Variants in P2RX5 observed in about 807,000 individuals in gnomAD.
P2RX5 encodes the protein purinergic receptor P2X 5.
P2RX5 carries 46 observed loss-of-function variants against 54.1 expected under a neutral mutation model. That is an observed-to-expected ratio of 0.85 (90% CI 0.67 to 1.09). The LOEUF (loss-of-function observed/expected upper bound fraction) is 1.09, where lower values mean the gene tolerates loss of function less well. P2RX5 is among the 50% of genes least tolerant of loss of function. The pLI, the probability that P2RX5 is intolerant of heterozygous loss-of-function variation, is 0.00. For synonymous variants in P2RX5, 226 were observed against 226.4 expected, an observed-to-expected ratio of 1.00 and a Z score of 0.02; for missense variants, 566 against 549.8, an observed-to-expected ratio of 1.03 and a Z score of -0.29.
At chr17:3,688,202 C>T (rs543721283) in intron 8 of P2RX5, 97 bp from the exon 9 acceptor site, 6 of 735,212 alleles carry the variant, frequency 8.2e-6, no homozygotes, top group Non-Finnish European at 1.5e-5. Context: ...GAAGGACTCC[C>T]GGAACCCTGA....
intron 10 of P2RX5, among the ~76,000 whole-genome samples, chr17:3,680,497 G>A (rs1288367907): frequency 1.5e-4 from 5 of 34,040 alleles, no homozygotes; most frequent in Middle Eastern, 0.033. Context: ...TCCACCCAGT[G>A]TCCTCCACCC....
chr17:3,678,204 T>A, intron 11 of P2RX5: 1 of 579,124 alleles, frequency 1.7e-6, no homozygotes. Flanking sequence ...TGGGCCAGCC[T>A]CACCAGAGGC....
intron 11 of P2RX5, among the ~76,000 whole-genome samples, chr17:3,679,329 G>A (rs909193432): frequency 4.6e-5 from 7 of 152,144 alleles, no homozygotes; most frequent in African/African-American, 1.7e-4. Context: ...GTGGAGCAGC[G>A]CGCTGTTATC....
chr17:3,713,947 T>TTGA, the P2RX5 span, among the ~76,000 whole-genome samples: 1 of 104,468 alleles, frequency 9.6e-6, no homozygotes, highest in Non-Finnish European at 2.0e-5. Flanking sequence ...AATTTTTTTT[T>TTGA]GAGACAGTCT....
the P2RX5 span, among the ~76,000 whole-genome samples, chr17:3,702,694 C>T: frequency 9.2e-5 from 14 of 152,296 alleles, no homozygotes; most frequent in African/African-American, 3.4e-4. Flanking sequence ...AAACTCCAGA[C>T]ACACCATCTT....
At position 3,684,938 on chromosome 17, in the gene P2RX5, C is replaced by T. The variant is rs547885930; in HGVS notation, c.982-2960G>A. On this transcript the variant is annotated intron_variant, in intron 9 of 11. Transcript: ENST00000225328. ...TGGGCTCACCGCAACCTCCTCCTCC[C>T]GGGTTCAAGCGATTCTCCTGCCTCA... Among the ~76,000 whole-genome samples, 42 of 146,096 alleles carry T rather than the reference C, an allele frequency of 2.9e-4. 1 individual carries two copies. The South Asian group carries it at 6.3e-3, about 22-fold the overall frequency.
At chr17:3,703,806 A>G in the P2RX5 span, among the ~76,000 whole-genome samples, 1 of 151,910 alleles carries the variant, frequency 6.6e-6, no homozygotes, top group African/African-American at 2.4e-5. Flanking sequence ...AATAAACAAC[A>G]TTTAAAAACC....
chr17:3,681,831 G>T, intron 10 of P2RX5, 65 bp downstream of exon 10: 7 of 1,090,056 alleles, frequency 6.4e-6, no homozygotes, highest in Non-Finnish European at 1.0e-5. Context: ...CAGGGCAAAG[G>T]CTCGAAGCCA....
chr17:3,704,433 G>A, the P2RX5 span, among the ~76,000 whole-genome samples: 1 of 152,300 alleles, frequency 6.6e-6, no homozygotes, highest in South Asian at 2.1e-4. Flanking sequence ...CTTTTGCTGA[G>A]GTCCTTCCAT....
At chr17:3,720,244 G>C in the P2RX5 span, 1 of 770,248 alleles carries the variant, frequency 1.3e-6, no homozygotes, top group Non-Finnish European at 2.4e-6. Flanking sequence ...AATGTCTGTG[G>C]AGGTGCTCAA....
chr17:3,679,265 A>T (rs1041723719), intron 11 of P2RX5, among the ~76,000 whole-genome samples: 5 of 152,206 alleles, frequency 3.3e-5, no homozygotes, highest in African/African-American at 1.2e-4. Flanking sequence ...AGTTGCTTAC[A>T]TGAGTTAACA....
the P2RX5 span, among the ~76,000 whole-genome samples, chr17:3,722,836 A>C: frequency 6.6e-6 from 1 of 152,214 alleles, no homozygotes; most frequent in Non-Finnish European, 1.5e-5. Flanking sequence ...GGCACAATCT[A>C]ATGTCTGCTC....
At chr17:3,700,045 G>T (rs2050808142), upstream of P2RX5, among the ~76,000 whole-genome samples, 1 of 152,172 alleles carries the variant, frequency 6.6e-6, no homozygotes, top group African/African-American at 2.4e-5. Context: ...ATATGGCATT[G>T]TGATGTGGAA....
chr17:3,705,314 C>A, the P2RX5 span, among the ~76,000 whole-genome samples: 1 of 152,162 alleles, frequency 6.6e-6, no homozygotes, highest in African/African-American at 2.4e-5. Context: ...CGATTCGGAT[C>A]CAATGCACAG....
Position 3,690,234 on chromosome 17 carries a change from C to A in P2RX5, c.534-84G>T, listed in dbSNP as rs2050572026. 3.0e-6 allele frequency: 4 copies of A among 1,340,580 alleles called. 1 individual carries two copies. The South Asian group carries it at 3.5e-5, about 12-fold the overall frequency. 83.0% of individuals were successfully genotyped at this position (1,340,580 alleles called of 1,614,324 possible). A position where few individuals can be genotyped will look rare whatever the true frequency, so the allele number is the denominator to read the frequency against. On this transcript the variant is annotated intron_variant, in intron 5 of 11. Coordinates refer to ENST00000225328, the MANE Select transcript of P2RX5 (RefSeq NM_002561.4). ...GGCCTGGGCCAGTGTGAGGCCTGTTCCTTGGGTCCCCTGGAGCCTCTGCCC... is the reference window on the plus strand; with the variant it reads ...GGCCTGGGCCAGTGTGAGGCCTGTTACTTGGGTCCCCTGGAGCCTCTGCCC...
At chr17:3,680,522 T>A (rs80331344) in intron 10 of P2RX5, among the ~76,000 whole-genome samples, 11 of 111,222 alleles carry the variant, frequency 9.9e-5, no homozygotes, top group East Asian at 6.6e-4. Context: ...TCCTCCACCC[T>A]GCGTCCTCCA....
chr17:3,711,024 G>T, the P2RX5 span, among the ~76,000 whole-genome samples: 3 of 152,192 alleles, frequency 2.0e-5, no homozygotes, highest in Non-Finnish European at 4.4e-5. Flanking sequence ...GTAGCAGAGT[G>T]GCCCTATGGC....
rs991497443 is a variant in P2RX5, at chr17:3,688,051, T to C, written c.942A>G (p.Lys314=). The stretch of plus-strand genomic sequence containing the variant: ...TCACGTCAAAGCGGATCCCGTAGGC[T>C]TTCATCAGGGTGCGGAACTCCACCC... The part of the protein sequence containing the change: ...AAGVEFRTLM[K]AYGIRFDVMV... Residue 314 remains lysine (K), a synonymous_variant, in exon 9 of 12, where the codon AAA becomes AAG. Coordinates refer to ENST00000225328, the MANE Select transcript of P2RX5 (RefSeq NM_002561.4). 1 of 1,597,522 alleles carries C rather than the reference T, an allele frequency of 6.3e-7. No individual in the cohort carries two copies. The highest frequency in any genetic ancestry group is 1.4e-5 in the African/African-American group (1 of 72,272).
chr17:3,705,790 TAGA>T, the P2RX5 span, among the ~76,000 whole-genome samples: 11 of 152,222 alleles, frequency 7.2e-5, 1 homozygote, highest in East Asian at 7.7e-4. Context: ...TGTATATTAA[TAGA>T]AGATTACTTT....
Sources: allele counts gnomAD v4.1 joint callset (sites outside exome capture counted in the v4.1 genomes callset), GRCh38; gene constraint gnomAD v4.1.1; transcripts MANE v1.5; gene names NCBI Gene and HGNC (gene_info 2026-07-23, HGNC 2026-07-21).